The following TMEM268 variants were observed in gnomAD, a reference collection of about 807,000 sequenced individuals.
TMEM268 encodes the protein transmembrane protein 268.
Under a neutral mutation model 39.1 loss-of-function variants are expected in TMEM268, and 24 were observed. The ratio of observed to expected loss-of-function variants is 0.61; its 90% CI spans 0.44 to 0.86. TMEM268 has a LOEUF of 0.86. Among genes scored for constraint, TMEM268 ranks in the 40% least tolerant of loss-of-function variants. TMEM268 has a pLI of 0.00. For synonymous variants in TMEM268, 176 were observed against 173.5 expected (o/e 1.01, Z -0.12); for missense variants, 409 against 428.6 (o/e 0.95, Z 0.40).
Position 114,643,221 on chromosome 9 carries a change from C to T in TMEM268, c.937C>T (p.Arg313Ter), listed in dbSNP as rs781589029. The stretch of plus-strand genomic sequence containing the variant: ...CCAGCTCCCTCAGGCAATGGGGACA[C>T]GACACACGAACTCTCCGAGAATTCC... ...TSQLPQAMGT[R>*]HTNSPRIPCP... Residue 313 changes from arginine (R) to a stop codon, truncating the protein, a stop_gained, in exon 9 of 9, where the codon CGA (arginine) becomes TGA (stop). Transcript: ENST00000288502. LOFTEE classifies it high-confidence loss of function. 4.6e-5 allele frequency: 75 copies of T among 1,614,020 alleles called. No individual in the cohort carries two copies. Among genetic ancestry groups the T allele is most frequent in the Admixed American group, 2.5e-4 (15 of 60,004 alleles).
Position 114,639,451 on chromosome 9 carries a change from G to T in TMEM268, c.849+725G>T, listed in dbSNP as rs749945676. Among the ~76,000 whole-genome samples the T allele has an allele frequency of 3.3e-5, 5 of 151,996 alleles. No homozygotes were observed. The South Asian group carries it at 6.2e-4, about 19-fold the overall frequency. On this transcript the variant is annotated intron_variant, in intron 8 of 8. Transcript: ENST00000288502. ...TCCTGCAGCCCCAGAGTTCTGTTGG[G>T]TCCTGCCATCCACACTGTCTCTTGG...
chr9:114,616,236 C>T (rs1488289176), intron 1 of TMEM268, among the ~76,000 whole-genome samples: 4 of 151,090 alleles, frequency 2.6e-5, no homozygotes, highest in South Asian at 2.1e-4. Context: ...AGGATGGTCT[C>T]GATCTCCTGA....
At chr9:114,636,843 C>G (rs1390007407) in intron 6 of TMEM268, 147 bp from the exon 7 acceptor site, 4 of 583,122 alleles carry the variant, frequency 6.9e-6, no homozygotes, top group Non-Finnish European at 1.2e-5. Context: ...AGCCATTTTT[C>G]TACCAACCAT....
rs1349783050 is a variant in TMEM268, at chr9:114,628,114, T to TG, written c.340dup (p.Val114GlyfsTer40). ...GGCATCTTGCAGGTTTTCTATGTGG[T>TG]GGTGTGGGCCAATATCTACTCTACC... On this transcript the variant is annotated frameshift_variant, in exon 5 of 9. Transcript: ENST00000288502. LOFTEE classifies it high-confidence loss of function. The TG allele has an allele frequency of 1.9e-6, 3 of 1,613,584 alleles. No homozygotes were observed. In the African/African-American group the frequency reaches 4.0e-5, roughly 22 times the overall value.
chr9:114,611,017 C>A (rs1845463696), upstream of TMEM268, among the ~76,000 whole-genome samples: 1 of 152,186 alleles, frequency 6.6e-6, no homozygotes, highest in South Asian at 2.1e-4. Flanking sequence ...GGTCAGGAGT[C>A]CGATAGCAGC....
the TMEM268 span, among the ~76,000 whole-genome samples, chr9:114,604,643 T>C: frequency 0.017 from 2,547 of 151,446 alleles, 61 homozygotes; most frequent in African/African-American, 0.059. Flanking sequence ...TGTGTAACCT[T>C]GTGGTAACAT....
chr9:114,621,568 A>G (rs748737841), intron 2 of TMEM268, among the ~76,000 whole-genome samples: 6 of 152,188 alleles, frequency 3.9e-5, no homozygotes, highest in Non-Finnish European at 7.3e-5. Context: ...TTGGGCGAGT[A>G]TTAAGGAGAA....
At chr9:114,629,141 C>T (rs971267507) in intron 5 of TMEM268, among the ~76,000 whole-genome samples, 3 of 152,206 alleles carry the variant, frequency 2.0e-5, no homozygotes, top group African/African-American at 4.8e-5. Flanking sequence ...TTAGCCACAA[C>T]GCTAGAGAAA....
At chr9:114,626,757 C>A in intron 3 of TMEM268, 142 bp from the exon 4 acceptor site, 1 of 583,066 alleles carries the variant, frequency 1.7e-6, no homozygotes, top group Admixed American at 2.5e-5. Context: ...CACCATGTGA[C>A]TTCCACCCAG....
At chr9:114,627,426 A>G (rs908058934) in intron 4 of TMEM268, among the ~76,000 whole-genome samples, 18 of 152,206 alleles carry the variant, frequency 1.2e-4, no homozygotes, top group African/African-American at 4.3e-4. Context: ...TATATATAAA[A>G]TATATGTATA....
chr9:114,621,176 ATAAAAAAT>A (rs1380909671), intron 2 of TMEM268, among the ~76,000 whole-genome samples: 1 of 151,928 alleles, frequency 6.6e-6, no homozygotes. Flanking sequence ...TCTCTACAAA[ATAAAAAAT>A]TAAAAAAAAA....
chr9:114,608,512 G>C (rs2095421770), upstream of TMEM268, among the ~76,000 whole-genome samples: 1 of 152,206 alleles, frequency 6.6e-6, no homozygotes, highest in Non-Finnish European at 1.5e-5. Context: ...CAGCCTGGCA[G>C]AAAGGGCAGG....
In TMEM268 at chr9:114,617,263, G is replaced by A. The variant is rs1194156259; in HGVS notation, c.68G>A (p.Ser23Asn). The A allele has an allele frequency of 6.2e-7, 1 of 1,613,620 alleles. No homozygotes were observed. The highest frequency in any genetic ancestry group is 8.5e-7 in the Non-Finnish European group (1 of 1,179,726). Residue 23 changes from serine to asparagine, a missense_variant, in exon 2 of 9, where the codon AGT (serine) becomes AAT (asparagine). Ser to Asn is a conservative substitution (Grantham distance 46). Transcript: ENST00000288502. ...GPLPPSSPGW[S>N]ALPGGSPPGW... ...TTGCCCCCCTCCTCCCCTGGCTGGA[G>A]TGCCCTGCCTGGAGGGAGCCCTCCT...
intron 8 of TMEM268, 139 bp downstream of exon 8, chr9:114,638,865 T>G (rs1846763774): frequency 3.8e-6 from 2 of 524,910 alleles, no homozygotes; most frequent in East Asian, 6.9e-5. Context: ...GCTCAGGAGT[T>G]TTCAATCTTT....
the TMEM268 span, among the ~76,000 whole-genome samples, chr9:114,606,081 G>T: frequency 1.3e-5 from 2 of 151,880 alleles, no homozygotes; most frequent in Non-Finnish European, 2.9e-5. Flanking sequence ...GGTTTTTAAA[G>T]ATGAAAAGAC....
chr9:114,637,179 T>C (rs1188284916), intron 7 of TMEM268, 109 bp downstream of exon 7: 2 of 672,392 alleles, frequency 3.0e-6, no homozygotes. Context: ...CTTGGAAGAA[T>C]ACCTACGAGC....
At chr9:114,617,077 A>G in intron 1 of TMEM268, 41 bp from the exon 2 acceptor site, 1 of 653,286 alleles carries the variant, frequency 1.5e-6, no homozygotes, top group South Asian at 2.1e-5. Flanking sequence ...CGGCTTGCCC[A>G]GGCTCAGGCC....
intron 3 of TMEM268, among the ~76,000 whole-genome samples, chr9:114,625,090 C>A (rs998179062): frequency 2.6e-5 from 4 of 152,210 alleles, no homozygotes; most frequent in Admixed American, 2.0e-4. Flanking sequence ...AGCTCCGATG[C>A]TCACTACCTG....
chr9:114,619,122 G>A (rs1421603041), intron 2 of TMEM268, among the ~76,000 whole-genome samples: 3 of 152,356 alleles, frequency 2.0e-5, no homozygotes, highest in Admixed American at 6.5e-5. Context: ...AGCAATGTGT[G>A]TGTATATATG....
Sources: allele counts gnomAD v4.1 joint callset (sites outside exome capture counted in the v4.1 genomes callset), GRCh38; gene constraint gnomAD v4.1.1; transcripts MANE v1.5; gene names NCBI Gene and HGNC (gene_info 2026-07-23, HGNC 2026-07-21).